DPP6: variants seen among roughly 807,000 people sequenced by gnomAD.
DPP6 encodes the protein A-type potassium channel modulatory protein DPP6.
In DPP6, 69 loss-of-function variants were observed where a neutral mutation model predicts 122.6. That is an observed-to-expected ratio of 0.56 (90% CI 0.46 to 0.69). DPP6 has a LOEUF of 0.69. Among genes scored for constraint, DPP6 ranks in the 30% least tolerant of loss-of-function variants. The pLI, the probability that DPP6 is intolerant of heterozygous loss-of-function variation, is 0.00. For synonymous variants in DPP6, 418 were observed against 433.1 expected (o/e 0.97, Z 0.43); for missense variants, 928 against 1,116.9 (o/e 0.83, Z 2.41).
At chr7:154,139,619 GTGTC>G (rs970908875) in intron 1 of DPP6, among the ~76,000 whole-genome samples, 6 of 151,764 alleles carry the variant, frequency 4.0e-5, no homozygotes, top group African/African-American at 1.5e-4. Context: ...AGGTGGCCGA[GTGTC>G]TGCTTCCTGT....
At chr7:154,674,888 C>T (rs1439277711) in intron 7 of DPP6, among the ~76,000 whole-genome samples, 4 of 152,180 alleles carry the variant, frequency 2.6e-5, no homozygotes, top group African/African-American at 9.7e-5. Context: ...AGGCCAACTT[C>T]CTCATCATCT....
intron 1 of DPP6, among the ~76,000 whole-genome samples, chr7:154,032,022 C>CCCGCCATCACACCT (rs1563116955): frequency 2.0e-5 from 3 of 146,960 alleles, no homozygotes; most frequent in African/African-American, 7.6e-5. Context: ...CCATCACACC[C>CCCGCCATCACACCT]GCCTATTTTT....
intron 1 of DPP6, among the ~76,000 whole-genome samples, chr7:153,972,400 C>T (rs993280271): frequency 6.6e-6 from 1 of 152,084 alleles, no homozygotes; most frequent in African/African-American, 2.4e-5. Flanking sequence ...GCTTGGGAAA[C>T]TGACGTGAAC....
chr7:154,065,035 C>T (rs1269723400), intron 1 of DPP6, among the ~76,000 whole-genome samples: 3 of 152,104 alleles, frequency 2.0e-5, no homozygotes, highest in African/African-American at 4.8e-5. Flanking sequence ...GCTGTCACCT[C>T]CAAAGCAGCA....
intron 6 of DPP6, among the ~76,000 whole-genome samples, chr7:154,644,020 C>T (rs759508252): frequency 8.5e-5 from 13 of 152,120 alleles, no homozygotes; most frequent in Non-Finnish European, 1.6e-4. Flanking sequence ...TCACGTGGGA[C>T]TCAGCATGGG....
the DPP6 span, among the ~76,000 whole-genome samples, chr7:153,800,636 C>T: frequency 6.6e-6 from 1 of 152,098 alleles, no homozygotes; most frequent in Admixed American, 6.6e-5. Flanking sequence ...CCTGCCTCAG[C>T]CTCCCAACTA....
At chr7:154,531,695 C>A (rs1435626212) in intron 3 of DPP6, among the ~76,000 whole-genome samples, 3 of 151,964 alleles carry the variant, frequency 2.0e-5, no homozygotes, top group Admixed American at 6.6e-5. Flanking sequence ...GTGTCATAAA[C>A]TAAAACTATA....
intron 1 of DPP6, among the ~76,000 whole-genome samples, chr7:154,442,655 G>A (rs1483451533): frequency 6.6e-6 from 1 of 152,126 alleles, no homozygotes; most frequent in Non-Finnish European, 1.5e-5. Flanking sequence ...ATGTCACAGG[G>A]GCAAAGGGTG....
At chr7:153,805,926 C>CA in the DPP6 span, among the ~76,000 whole-genome samples, 2 of 151,770 alleles carry the variant, frequency 1.3e-5, no homozygotes, top group Non-Finnish European at 2.9e-5. Context: ...GGGTGCAGCA[C>CA]ACCAACATGG....
At chr7:154,323,519 G>A (rs960863509) in intron 1 of DPP6, among the ~76,000 whole-genome samples, 10 of 152,166 alleles carry the variant, frequency 6.6e-5, no homozygotes, top group African/African-American at 1.9e-4. Flanking sequence ...TATTTTCATC[G>A]TCAACTAACT....
At chr7:154,584,480 T>G (rs1832299610) in intron 5 of DPP6, among the ~76,000 whole-genome samples, 1 of 152,198 alleles carries the variant, frequency 6.6e-6, no homozygotes, top group African/African-American at 2.4e-5. Context: ...ACATGGCTGA[T>G]CCACAATAGA....
At chr7:153,958,461 G>T (rs1278835533) in intron 1 of DPP6, among the ~76,000 whole-genome samples, 1 of 152,148 alleles carries the variant, frequency 6.6e-6, no homozygotes, top group South Asian at 2.1e-4. Context: ...ATGCCCAGCT[G>T]CAAGGCAGGC....
chr7:154,507,599 A>C (rs1825760028), intron 3 of DPP6, among the ~76,000 whole-genome samples: 1 of 152,188 alleles, frequency 6.6e-6, no homozygotes, highest in African/African-American at 2.4e-5. Context: ...GACATTCCAA[A>C]CCAGGGCTTT....
At chr7:154,732,576 AG>A (rs1437598085) in intron 8 of DPP6, among the ~76,000 whole-genome samples, 1 of 152,198 alleles carries the variant, frequency 6.6e-6, no homozygotes, top group East Asian at 1.9e-4. Flanking sequence ...CAGTGGAGGT[AG>A]AGTGAGGGAT....
At chr7:153,794,610 T>C in the DPP6 span, among the ~76,000 whole-genome samples, 2 of 152,072 alleles carry the variant, frequency 1.3e-5, no homozygotes, top group South Asian at 2.1e-4. Flanking sequence ...AATTAAGACT[T>C]TGGGGGACTG....
the DPP6 span, among the ~76,000 whole-genome samples, chr7:153,824,700 TAAAA>T: frequency 7.0e-6 from 1 of 142,662 alleles, no homozygotes; most frequent in Non-Finnish European, 1.5e-5. Context: ...AACATAAAAA[TAAAA>T]AAAAAAAGAT....
intron 1 of DPP6, among the ~76,000 whole-genome samples, chr7:153,978,342 T>G (rs954573754): frequency 6.6e-6 from 1 of 152,254 alleles, no homozygotes; most frequent in Admixed American, 6.5e-5. Context: ...GTTGGCTGCA[T>G]AAATGTCTTC....
At chr7:153,941,362 C>T (rs1801688398) in intron 1 of DPP6, among the ~76,000 whole-genome samples, 1 of 152,182 alleles carries the variant, frequency 6.6e-6, no homozygotes, top group Non-Finnish European at 1.5e-5. Flanking sequence ...TCAGCAGGTC[C>T]CTGACCACAG....
chr7:153,848,478 A>G, the DPP6 span, among the ~76,000 whole-genome samples: 937 of 152,222 alleles, frequency 6.2e-3, 10 homozygotes, highest in African/African-American at 0.021. Flanking sequence ...TGCATTCTCT[A>G]TCTATAATTT....
Sources: allele counts gnomAD v4.1 joint callset (sites outside exome capture counted in the v4.1 genomes callset), GRCh38; gene constraint gnomAD v4.1.1; transcripts MANE v1.5; gene names NCBI Gene and HGNC (gene_info 2026-07-23, HGNC 2026-07-21).